Variants in LHFPL3 observed in about 807,000 individuals in gnomAD.
LHFPL3 encodes the protein LHFPL tetraspan subfamily member 3 protein.
A neutral mutation model predicts 19.3 loss-of-function variants in LHFPL3; 5 were observed. The ratio of observed to expected loss-of-function variants is 0.26; its 90% confidence interval spans 0.14 to 0.54. The LOEUF is 0.54. LHFPL3 is among the 20% of genes least tolerant of loss of function. The pLI, the probability that LHFPL3 is intolerant of heterozygous loss-of-function variation, is 0.94. For synonymous variants in LHFPL3, 133 were observed against 126.2 expected, an observed-to-expected ratio of 1.05 and a Z score of -0.36; for missense variants, 249 against 307.4, an observed-to-expected ratio of 0.81 and a Z score of 1.42.
chr7:104,855,326 G>A (rs552328733), intron 2 of LHFPL3, among the ~76,000 whole-genome samples: 2 of 152,240 alleles, frequency 1.3e-5, no homozygotes, highest in Admixed American at 6.5e-5. Context: ...GCAGACTGAT[G>A]GGCCTACCTA....
intron 1 of LHFPL3, among the ~76,000 whole-genome samples, chr7:104,554,664 T>TAGAC (rs1252114168): frequency 4.0e-5 from 6 of 150,738 alleles, no homozygotes; most frequent in African/African-American, 1.5e-4. Flanking sequence ...GATAGATAGA[T>TAGAC]AGATAGATAG....
chr7:104,849,130 T>A (rs1475511795), intron 2 of LHFPL3, among the ~76,000 whole-genome samples: 2 of 152,110 alleles, frequency 1.3e-5, no homozygotes, highest in Non-Finnish European at 2.9e-5. Flanking sequence ...GGGGTTTCAC[T>A]GTGTTGCCCA....
At chr7:104,425,849 C>T (rs995963907) in intron 1 of LHFPL3, among the ~76,000 whole-genome samples, 1 of 152,142 alleles carries the variant, frequency 6.6e-6, no homozygotes, top group Non-Finnish European at 1.5e-5. Context: ...GTTCCTTTCA[C>T]GATCTCATTT....
At chr7:104,553,142 A>G (rs1649143970) in intron 1 of LHFPL3, among the ~76,000 whole-genome samples, 1 of 152,276 alleles carries the variant, frequency 6.6e-6, no homozygotes, top group Non-Finnish European at 1.5e-5. Context: ...AGCTTTCTAC[A>G]TGTTATTTTG....
chr7:104,670,871 T>TTG (rs1792466256), intron 1 of LHFPL3, among the ~76,000 whole-genome samples: 1 of 152,002 alleles, frequency 6.6e-6, no homozygotes, highest in Non-Finnish European at 1.5e-5. Flanking sequence ...GTTTTGTTTT[T>TTG]TTTTTTTTAA....
chr7:104,609,190 G>A (rs545794394), intron 1 of LHFPL3, among the ~76,000 whole-genome samples: 3 of 152,010 alleles, frequency 2.0e-5, no homozygotes, highest in South Asian at 2.1e-4. Flanking sequence ...GCTTGAACCC[G>A]GGAGGCAGAG....
chr7:104,678,410 A>G (rs1326054344), intron 1 of LHFPL3, among the ~76,000 whole-genome samples: 2 of 152,164 alleles, frequency 1.3e-5, no homozygotes, highest in East Asian at 3.8e-4. Context: ...TACATATTTC[A>G]AAAACAACCC....
At chr7:104,765,533 G>A (rs571794799) in intron 2 of LHFPL3, among the ~76,000 whole-genome samples, 3 of 152,284 alleles carry the variant, frequency 2.0e-5, no homozygotes, top group Non-Finnish European at 4.4e-5. Context: ...AGAAGTCATT[G>A]TGCTTTCCTT....
At chr7:104,584,309 G>A (rs912771558) in intron 1 of LHFPL3, among the ~76,000 whole-genome samples, 3 of 152,034 alleles carry the variant, frequency 2.0e-5, no homozygotes, top group African/African-American at 7.2e-5. Flanking sequence ...GGACTGTTGT[G>A]GGGTGGGGGG....
intron 1 of LHFPL3, among the ~76,000 whole-genome samples, chr7:104,467,601 C>T (rs565382669): frequency 6.6e-6 from 1 of 152,284 alleles, no homozygotes; most frequent in East Asian, 1.9e-4. Context: ...GCATGACAAA[C>T]ATGCTATCTT....
chr7:104,753,817 G>A (rs1035148526), intron 2 of LHFPL3, among the ~76,000 whole-genome samples: 1 of 152,198 alleles, frequency 6.6e-6, no homozygotes, highest in Non-Finnish European at 1.5e-5. Flanking sequence ...TTGGTAATTA[G>A]GTAAATGCAA....
At chr7:104,846,158 C>G (rs1457615149) in intron 2 of LHFPL3, among the ~76,000 whole-genome samples, 1 of 152,104 alleles carries the variant, frequency 6.6e-6, no homozygotes, top group African/African-American at 2.4e-5. Context: ...TTCTGGTGTT[C>G]CTTGATTTTC....
chr7:104,382,980 C>T (rs1019110093), intron 1 of LHFPL3, among the ~76,000 whole-genome samples: 2 of 82,452 alleles, frequency 2.4e-5, no homozygotes, highest in Non-Finnish European at 4.8e-5. Flanking sequence ...ACATTATTTG[C>T]CCCCATTTGC....
intron 1 of LHFPL3, among the ~76,000 whole-genome samples, chr7:104,617,157 A>G (rs886634366): frequency 4.6e-5 from 7 of 152,178 alleles, no homozygotes; most frequent in African/African-American, 1.2e-4. Flanking sequence ...TTGAGTATAT[A>G]CCCAAAGGAT....
chr7:104,740,445 C>A (rs1162859373), intron 2 of LHFPL3, among the ~76,000 whole-genome samples: 1 of 152,150 alleles, frequency 6.6e-6, no homozygotes, highest in Admixed American at 6.5e-5. Flanking sequence ...GTAATTAATG[C>A]AGCAACACAC....
At chr7:104,671,899 A>G (rs1188647843) in intron 1 of LHFPL3, among the ~76,000 whole-genome samples, 3 of 152,166 alleles carry the variant, frequency 2.0e-5, no homozygotes, top group African/African-American at 7.2e-5. Flanking sequence ...CTCTGCTAAT[A>G]TCAATGTCCC....
At chr7:104,445,020 T>C (rs1418349385) in intron 1 of LHFPL3, among the ~76,000 whole-genome samples, 1 of 152,012 alleles carries the variant, frequency 6.6e-6, no homozygotes, top group Non-Finnish European at 1.5e-5. Flanking sequence ...ATCACAGATG[T>C]GGGACACTCT....
chr7:104,571,079 T>C (rs548138206), intron 1 of LHFPL3, among the ~76,000 whole-genome samples: 1 of 152,366 alleles, frequency 6.6e-6, no homozygotes, highest in South Asian at 2.1e-4. Flanking sequence ...AATTAAATGT[T>C]AATTTGATTA....
intron 1 of LHFPL3, among the ~76,000 whole-genome samples, chr7:104,525,219 TC>T (rs1425713338): frequency 6.6e-6 from 1 of 152,162 alleles, no homozygotes; most frequent in Non-Finnish European, 1.5e-5. Context: ...GAGAAACAAT[TC>T]CTCCACTTTT....
Sources: gnomAD v4.1 joint callset for allele counts (sites outside exome capture counted in the v4.1 genomes callset) on GRCh38, gnomAD v4.1.1 for gene constraint, MANE v1.5 for transcripts, NCBI Gene and HGNC (gene_info 2026-07-23, HGNC 2026-07-21) for gene names.